Variants in TMEM67 observed in about 807,000 individuals in gnomAD.
TMEM67 encodes the protein meckelin.
In TMEM67, 124 loss-of-function variants were observed where a neutral mutation model predicts 136.6. The ratio of observed to expected loss-of-function variants is 0.91; its 90% CI spans 0.78 to 1.05. The LOEUF is 1.05. Among genes scored for constraint, TMEM67 ranks in the 50% least tolerant of loss-of-function variants. The probability of loss-of-function intolerance (pLI) is 0.00; values close to 1 mark genes in which losing one functional copy is unlikely to be tolerated. For missense variants in TMEM67, 1,107 were observed against 1,178.4 expected (o/e 0.94, Z 0.89); for synonymous variants, 364 against 390.5 (o/e 0.93, Z 0.80).
the TMEM67 span, among the ~76,000 whole-genome samples, chr8:93,828,575 A>G: frequency 2.0e-5 from 3 of 152,114 alleles, no homozygotes; most frequent in Non-Finnish European, 2.9e-5. Flanking sequence ...CCCCATCGCT[A>G]ATAAAAATAC....
rs780146264 is a variant in TMEM67, at chr8:93,816,469, C to T, written c.*17C>T. ...TTGATTTAACTTCCTGAATAAATAA[C>T]TTAAAGACTCAGTATAATCATGGCC... On this transcript the variant is annotated 3_prime_UTR_variant, in exon 28 of 28. Transcript: ENST00000453321. The T allele has an allele frequency of 2.8e-6, 4 of 1,443,760 alleles. No individual in the cohort carries two copies. In the South Asian group the frequency reaches 4.7e-5, roughly 17 times the overall value. The allele number at this position is 1,443,760 out of a possible 1,614,324, so 89.4% of individuals were successfully genotyped here.
intron 26 of TMEM67, among the ~76,000 whole-genome samples, chr8:93,813,860 A>G (rs1160664416): frequency 6.6e-6 from 1 of 152,202 alleles, no homozygotes; most frequent in Non-Finnish European, 1.5e-5. Flanking sequence ...TTAGTAGAAA[A>G]TCACCAAGAG....
In TMEM67 at chr8:93,786,264, T is replaced by C; in HGVS notation, c.1330T>C (p.Leu444=). ...GTGGCTTCTAACTCGGCGCATTTTC[T>C]TAGTGGATGCAGTAAGTGGACGAGA... The part of the protein sequence containing the change: ...GKWLLTRRIF[L]VDAVSGREND... The change falls in exon 13 of 28, where the codon TTA becomes CTA. Residue 444 remains leucine, a synonymous_variant. Transcript: ENST00000453321. 6.2e-7 allele frequency: 1 copy of C among 1,614,082 alleles called. No homozygotes were observed. Among genetic ancestry groups the C allele is most frequent in the Non-Finnish European group, 8.5e-7 (1 of 1,179,958 alleles).
chr8:93,824,936 G>A, the TMEM67 span, among the ~76,000 whole-genome samples: 8 of 151,960 alleles, frequency 5.3e-5, no homozygotes, highest in Non-Finnish European at 1.0e-4. Context: ...GGCTGGTCTC[G>A]AACTCCTGGA....
chr8:93,814,340 C>T (rs1377006201), intron 26 of TMEM67, among the ~76,000 whole-genome samples: 2 of 151,116 alleles, frequency 1.3e-5, no homozygotes, highest in East Asian at 1.9e-4. Context: ...GGGGTTTCAC[C>T]GTGTTAGCCA....
At chr8:93,755,311 C>T (rs1156492256) in intron 1 of TMEM67, among the ~76,000 whole-genome samples, 174 bp downstream of exon 1, 1 of 152,158 alleles carries the variant, frequency 6.6e-6, no homozygotes, top group African/African-American at 2.4e-5. Flanking sequence ...TGAGCCACCG[C>T]GCCTGGCCCG....
chr8:93,814,412 C>CTT (rs756690084), intron 26 of TMEM67, among the ~76,000 whole-genome samples: 3 of 128,678 alleles, frequency 2.3e-5, no homozygotes, highest in African/African-American at 5.7e-5. Context: ...TTTATGTATA[C>CTT]TTTTTTTTTT....
intron 20 of TMEM67, 75 bp from the exon 21 acceptor site, chr8:93,799,543 G>A: frequency 6.8e-7 from 1 of 1,479,794 alleles, no homozygotes; most frequent in Non-Finnish European, 9.3e-7. Flanking sequence ...GTAGGGAGAG[G>A]TTTTCTGTTT....
intron 7 of TMEM67, 93 bp from the exon 8 acceptor site, chr8:93,780,500 G>A: frequency 2.1e-6 from 3 of 1,445,408 alleles, no homozygotes; most frequent in Non-Finnish European, 2.9e-6. Context: ...CGGCCATCTT[G>A]GAACAGACCT....
intron 4 of TMEM67, 24 bp downstream of exon 4, chr8:93,763,965 C>A (rs751280911): frequency 7.4e-7 from 1 of 1,356,096 alleles, no homozygotes; most frequent in Non-Finnish European, 1.1e-6. Context: ...TGGGGGCTAA[C>A]TTCATTAATA....
At position 93,765,494 on chromosome 8, in the gene TMEM67, A is replaced by G; in HGVS notation, c.576+19A>G. ...CATTTTAGTAAGGCTAACCAAATTG[A>G]TAAAGTATATATATTTTTAATTCAG... On this transcript the variant is annotated intron_variant, in intron 5 of 27. Transcript: ENST00000453321. The G allele has an allele frequency of 6.2e-7, 1 of 1,607,664 alleles. No homozygotes were observed. The highest frequency in any genetic ancestry group is 8.5e-7 in the Non-Finnish European group (1 of 1,175,014).
chr8:93,767,698 A>G (rs1180556429), intron 6 of TMEM67, among the ~76,000 whole-genome samples: 1 of 149,292 alleles, frequency 6.7e-6, no homozygotes, highest in African/African-American at 2.5e-5. Context: ...TGGCCAATAA[A>G]AGTCCCTTCA....
chr8:93,809,312 A>C, intron 25 of TMEM67, 151 bp downstream of exon 25: 1 of 643,172 alleles, frequency 1.6e-6, no homozygotes. Flanking sequence ...GTCACATTCA[A>C]TACTTAGGAA....
chr8:93,774,195 A>G (rs1813439408), intron 7 of TMEM67, among the ~76,000 whole-genome samples: 1 of 152,044 alleles, frequency 6.6e-6, no homozygotes, highest in Non-Finnish European at 1.5e-5. Context: ...TTCTATTTTT[A>G]GTAGAGACAG....
intron 26 of TMEM67, 111 bp downstream of exon 26, chr8:93,809,998 T>G: frequency 6.3e-6 from 4 of 638,778 alleles, no homozygotes; most frequent in African/African-American, 1.9e-5. Flanking sequence ...AGACGGCGTC[T>G]TGCTCTGTTG....
At position 93,787,833 on chromosome 8, in the gene TMEM67, C is replaced by T. The variant is rs1181310755; in HGVS notation, c.1413-11C>T. ...ATACTGATTACTATAAATGCATTTT[C>T]TTTTAAATAGTGTCCACCTTGTACC... On this transcript the variant is annotated splice_polypyrimidine_tract_variant and intron_variant, in intron 13 of 27. Transcript: ENST00000453321. The T allele has an allele frequency of 6.3e-7, 1 of 1,596,142 alleles. No homozygotes were observed. Among genetic ancestry groups the T allele is most frequent in the East Asian group, 2.2e-5 (1 of 44,738 alleles).
downstream of TMEM67, among the ~76,000 whole-genome samples, chr8:93,822,548 T>A (rs1267621986): frequency 6.6e-6 from 1 of 152,174 alleles, no homozygotes; most frequent in East Asian, 1.9e-4. Context: ...GGGGCCCTTC[T>A]GACTGTAGCT....
chr8:93,774,425 A>C (rs1187227346), intron 7 of TMEM67, among the ~76,000 whole-genome samples: 1 of 152,132 alleles, frequency 6.6e-6, no homozygotes, highest in Non-Finnish European at 1.5e-5. Context: ...GGTTTGTTAC[A>C]TAGGTATACA....
At chr8:93,788,037 T>C in intron 14 of TMEM67, 88 bp downstream of exon 14, 1 of 962,202 alleles carries the variant, frequency 1.0e-6, no homozygotes, top group Non-Finnish European at 1.6e-6. Context: ...GACAGTCTTT[T>C]TTTTTTTTTT....
Sources: allele counts gnomAD v4.1 joint callset (sites outside exome capture counted in the v4.1 genomes callset), GRCh38; gene constraint gnomAD v4.1.1; transcripts MANE v1.5; gene names NCBI Gene and HGNC (gene_info 2026-07-23, HGNC 2026-07-21).